Variants in APOA5 observed in about 807,000 individuals in gnomAD.
APOA5 encodes apolipoprotein A5.
A neutral mutation model predicts 31.8 loss-of-function variants in APOA5; 26 were observed. The observed-to-expected ratio is 0.82, with a 90% CI of 0.60 to 1.13. The LOEUF (loss-of-function observed/expected upper bound fraction) is 1.13. Among genes scored for constraint, APOA5 ranks in the 50% most tolerant of loss-of-function variants. The pLI is 0.00. For missense variants in APOA5, 450 were observed against 488.0 expected, an observed-to-expected ratio of 0.92 and a Z score of 0.73; for synonymous variants, 186 against 198.5, an observed-to-expected ratio of 0.94 and a Z score of 0.53.
intron 2 of APOA5, 182 bp downstream of exon 2, chr11:116,791,403 CG>C: frequency 1.3e-6 from 1 of 748,570 alleles, no homozygotes; most frequent in South Asian, 1.5e-5. Context: ...GTTGTCAAGG[CG>C]GGGGCTGCAG....
At chr11:116,791,762 G>T (rs1941018591) in intron 1 of APOA5, 50 bp downstream of exon 1, 1 of 1,613,738 alleles carries the variant, frequency 6.2e-7, no homozygotes, top group African/African-American at 1.3e-5. Context: ...AGGGCCCTCT[G>T]GCCAGCCTCC....
intron 2 of APOA5, 122 bp downstream of exon 2, chr11:116,791,464 A>G: frequency 9.4e-7 from 1 of 1,060,678 alleles, no homozygotes; most frequent in Non-Finnish European, 1.4e-6. Flanking sequence ...AGACAGAGCT[A>G]GCACCGCTCC....
intron 2 of APOA5, 76 bp from the exon 3 acceptor site, chr11:116,791,143 A>G: frequency 1.5e-6 from 2 of 1,303,990 alleles, no homozygotes; most frequent in South Asian, 1.2e-5. Context: ...GTCATCGCGC[A>G]CTGATCCTCT....
rs570296174 is a variant in APOA5, at chr11:116,790,774, C to T, written c.455G>A (p.Arg152His). The change falls in exon 3 of 3, where the codon CGC becomes CAC. Residue 152 changes from arginine to histidine, a missense_variant. By Grantham distance (29) the Arg-to-His change is conservative (BLOSUM62 0). Transcript: ENST00000227665. Reference sequence around the variant, plus strand: ...GGCCTTGGTGTCTTCCCCCACCACGCGCAACTGCTCCTGCAGCTCCTGCAC... The same window carrying T: ...GGCCTTGGTGTCTTCCCCCACCACGTGCAACTGCTCCTGCAGCTCCTGCAC... Reference protein sequence around the residue: ...LRVQELQEQLRVVGEDTKAQL... With the variant: ...LRVQELQEQLHVVGEDTKAQL... 1.9e-6 allele frequency: 3 copies of T among 1,613,454 alleles called. No individual in the cohort carries two copies. The highest frequency in any genetic ancestry group is 1.7e-5 in the Admixed American group (1 of 60,032).
chr11:116,789,705 C>T lies in APOA5; in HGVS notation c.*423G>A, dbSNP rs1052121148. 2 of 295,584 alleles carry T rather than the reference C, an allele frequency of 6.8e-6. No homozygotes were observed. The highest frequency in any genetic ancestry group is 1.3e-5 in the Non-Finnish European group (2 of 150,906). 18.3% of individuals were successfully genotyped at this position (295,584 alleles called of 1,614,324 possible). On this transcript the variant is annotated 3_prime_UTR_variant, in exon 3 of 3. Coordinates refer to ENST00000227665, the MANE Select transcript of APOA5 (RefSeq NM_001371904.1). ...GGCAGCCCTGGGGAGACAAGTGCTC[C>T]TCTCTGTGGACCAGCTGTAGCAGTG...
intron 1 of APOA5, 27 bp from the exon 2 acceptor site, chr11:116,791,724 G>A: frequency 1.9e-6 from 3 of 1,609,494 alleles, no homozygotes; most frequent in Middle Eastern, 1.7e-4. Flanking sequence ...GGTAATCAGG[G>A]CCTGGGCTCT....
rs375950328 is a variant in APOA5, at chr11:116,790,399, A to G, written c.830T>C (p.Leu277Pro). Residue 277 changes from leucine (L) to proline (P), a missense_variant, in exon 3 of 3, where the codon CTC becomes CCC. Coordinates refer to ENST00000227665, the MANE Select transcript of APOA5 (RefSeq NM_001371904.1). ...AAGTCGCTGGCGCACCTCCTCGGAG[A>G]GCATCTGGGGGTCCGGGCCGGCCCC... ...EEGAGPDPQMLSEEVRQRLQA... is the reference protein window; with the variant it reads ...EEGAGPDPQMPSEEVRQRLQA... 2.5e-6 allele frequency: 4 copies of G among 1,610,188 alleles called. No individual in the cohort carries two copies. Among genetic ancestry groups the G allele is most frequent in the Non-Finnish European group, 2.5e-6 (3 of 1,180,004 alleles).
upstream of APOA5, chr11:116,791,958 G>A: frequency 2.2e-6 from 3 of 1,376,044 alleles, no homozygotes; most frequent in Non-Finnish European, 3.1e-6. Context: ...GCCTCTGCAG[G>A]GGCAACTGCC....
In APOA5 at chr11:116,789,939, A is replaced by G; in HGVS notation, c.*189T>C. 1 of 643,146 alleles carries G rather than the reference A, an allele frequency of 1.6e-6. No homozygotes were observed. The highest frequency in any genetic ancestry group is 2.7e-6 in the Non-Finnish European group (1 of 364,880). The allele number at this position is 643,146 out of a possible 1,614,324, so 39.8% of individuals were successfully genotyped here. ...TTGCAAAGCCTGGTGAATGTAATGC[A>G]TCCAGATTGGGGAGTCGCAGGAGGC... On this transcript the variant is annotated 3_prime_UTR_variant, in exon 3 of 3. Coordinates refer to ENST00000227665, the MANE Select transcript of APOA5 (RefSeq NM_001371904.1).
chr11:116,790,814 G>A lies in APOA5; in HGVS notation c.415C>T (p.Gln139Ter), dbSNP rs121917821. Residue 139 changes from glutamine (Q) to a stop codon, truncating the protein, a stop_gained, in exon 3 of 3, where the codon CAG becomes TAG. Transcript: ENST00000227665. LOFTEE classifies it high-confidence loss of function. ...LKPYTMDLME[Q>*]VALRVQELQE... ...AGCTCCTGCACGCGCAGGGCCACCTGCTCCATCAGATCCATCGTGTAGGGC... is the reference window on the plus strand; with the variant it reads ...AGCTCCTGCACGCGCAGGGCCACCTACTCCATCAGATCCATCGTGTAGGGC... 3 of 1,613,818 alleles carry A rather than the reference G, an allele frequency of 1.9e-6. No homozygotes were observed. The highest frequency in any genetic ancestry group is 2.5e-6 in the Non-Finnish European group (3 of 1,180,028).
rs1241782982 is a variant in APOA5, at chr11:116,789,627, T to A, written c.*501A>T. On this transcript the variant is annotated 3_prime_UTR_variant, in exon 3 of 3. Transcript: ENST00000227665. ...GCAGGGATATTCACACACCATCACA[T>A]GTTCTCCCCATGATATTCTCTTTCT... The A allele has an allele frequency of 3.0e-5, 7 of 233,502 alleles. No homozygotes were observed. In the East Asian group the frequency reaches 7.1e-4, roughly 24 times the overall value. The allele number at this position is 233,502 out of a possible 1,614,324, so 14.5% of individuals were successfully genotyped here. A position where few individuals can be genotyped will look rare whatever the true frequency, so the allele number is the denominator to read the frequency against.
At position 116,790,095 on chromosome 11, in the gene APOA5, A is replaced by C; in HGVS notation, c.*33T>G. On this transcript the variant is annotated 3_prime_UTR_variant, in exon 3 of 3. Transcript: ENST00000227665. ...GCTCAGAGCCAAGGCTCCCCAGACA[A>C]GGAGCTGGGAATGGGCCTGGGCAGG... 1.9e-6 allele frequency: 3 copies of C among 1,601,052 alleles called. No homozygotes were observed. The highest frequency in any genetic ancestry group is 2.6e-6 in the Non-Finnish European group (3 of 1,170,208).
Position 116,790,489 on chromosome 11 carries a change from T to C in APOA5, c.740A>G (p.Gln247Arg), listed in dbSNP as rs774692220. The change falls in exon 3 of 3, where the codon CAG becomes CGG. Residue 247 changes from glutamine (Q) to arginine (R), a missense_variant. Coordinates refer to ENST00000227665, the MANE Select transcript of APOA5 (RefSeq NM_001371904.1). ...TTCGCGCAGCTGGTCCAGGTTCTGC[T>C]GGATGCGTGCGTGCAGGGCCTTGGC... Reference protein sequence around the residue: ...LKAKALHARIQQNLDQLREEL... With the variant: ...LKAKALHARIRQNLDQLREEL... The C allele has an allele frequency of 8.1e-6, 13 of 1,602,186 alleles. No individual in the cohort carries two copies. The African/African-American group carries it at 1.7e-4, about 21-fold the overall frequency.
upstream of APOA5, chr11:116,792,305 A>G: frequency 3.4e-6 from 1 of 294,192 alleles, no homozygotes; most frequent in Non-Finnish European, 6.7e-6. Flanking sequence ...GGGCCACCCC[A>G]GGCTCTCCCC....
chr11:116,790,765 C>A lies in APOA5; in HGVS notation c.464G>T (p.Gly155Val). 1 of 1,613,332 alleles carries A rather than the reference C, an allele frequency of 6.2e-7. No homozygotes were observed. The highest frequency in any genetic ancestry group is 8.5e-7 in the Non-Finnish European group (1 of 1,179,976). Residue 155 changes from glycine to valine, a missense_variant, in exon 3 of 3, where the codon GGG becomes GTG. Coordinates refer to ENST00000227665, the MANE Select transcript of APOA5 (RefSeq NM_001371904.1). ...QELQEQLRVVGEDTKAQLLGG... is the reference protein window; with the variant it reads ...QELQEQLRVVVEDTKAQLLGG... ...CAGCAACTGGGCCTTGGTGTCTTCC[C>A]CCACCACGCGCAACTGCTCCTGCAG... is the stretch of plus-strand genomic sequence containing the variant.
rs989332330 is a variant in APOA5, at chr11:116,790,410, G to A, written c.819C>T (p.Asp273=). Reference sequence around the variant, plus strand: ...GCACCTCCTCGGAGAGCATCTGGGGGTCCGGGCCGGCCCCTTCCTCAGTCC... The same window carrying A: ...GCACCTCCTCGGAGAGCATCTGGGGATCCGGGCCGGCCCCTTCCTCAGTCC... The part of the protein sequence containing the change: ...GTGTEEGAGP[D]PQMLSEEVRQ... The change falls in exon 3 of 3, where the codon GAC becomes GAT. Residue 273 remains aspartate (D), a synonymous_variant. Coordinates refer to ENST00000227665, the MANE Select transcript of APOA5 (RefSeq NM_001371904.1). 1.2e-6 allele frequency: 2 copies of A among 1,608,024 alleles called. No individual in the cohort carries two copies. The highest frequency in any genetic ancestry group is 1.7e-6 in the Non-Finnish European group (2 of 1,180,010).
upstream of APOA5, chr11:116,792,335 C>T: frequency 3.7e-6 from 1 of 273,644 alleles, no homozygotes; most frequent in Non-Finnish European, 7.2e-6. Context: ...CTGCAATGCC[C>T]TCCCTTAGGA....
At position 116,790,989 on chromosome 11, in the gene APOA5, G is replaced by A. The variant is rs565510415; in HGVS notation, c.240C>T (p.Ser80=). 83 of 1,612,206 alleles carry A rather than the reference G, an allele frequency of 5.1e-5. 1 individual carries two copies. The South Asian group carries it at 7.6e-4, about 15-fold the overall frequency. Residue 80 remains serine, a synonymous_variant, in exon 3 of 3, where the codon AGC becomes AGT. Coordinates refer to ENST00000227665, the MANE Select transcript of APOA5 (RefSeq NM_001371904.1). ...GGTCCTGTGGGAGCCGAGGAGCCTC[G>A]CTCCCACTCAGAGGCCTCAGCTTTT... ...FLEKLRPLSG[S]EAPRLPQDPV... is the part of the protein sequence containing the mutation.
At chr11:116,791,900 G>A (rs1196998090), upstream of APOA5, 2 of 1,611,362 alleles carry the variant, frequency 1.2e-6, no homozygotes, top group South Asian at 1.1e-5. Context: ...GGCCTGGTTA[G>A]GGGAAGAAGG....
Sources: allele counts gnomAD v4.1 joint callset, GRCh38; gene constraint gnomAD v4.1.1; transcripts MANE v1.5; gene names NCBI Gene and HGNC (gene_info 2026-07-23, HGNC 2026-07-21).